Variants in FAM174B observed in about 807,000 individuals in gnomAD.
FAM174B encodes the protein family with sequence similarity 174 member B.
FAM174B carries 12 observed loss-of-function variants against 10.9 expected under a neutral mutation model. The observed-to-expected ratio is 1.10, with a 90% CI of 0.71 to 1.79. The LOEUF (loss-of-function observed/expected upper bound fraction) is 1.79. FAM174B is among the 40% of genes most tolerant of loss of function. FAM174B has a pLI of 0.00. For missense variants in FAM174B, 266 were observed against 233.3 expected (o/e 1.14, Z -0.91); for synonymous variants, 132 against 115.8 (o/e 1.14, Z -0.90).
chr15:92,627,574 T>C (rs28620510), intron 2 of FAM174B, among the ~76,000 whole-genome samples: 23,299 of 152,204 alleles, frequency 0.15, 2,586 homozygotes, highest in African/African-American at 0.31. Flanking sequence ...CTGAGCAGAT[T>C]GATTGTCATA....
At chr15:92,646,357 G>A (rs1339467504) in intron 1 of FAM174B, among the ~76,000 whole-genome samples, 1 of 152,122 alleles carries the variant, frequency 6.6e-6, no homozygotes, top group Non-Finnish European at 1.5e-5. Context: ...AGGGTGAGGC[G>A]GACTCCTCCC....
chr15:92,623,915 G>A (rs1596294034), intron 2 of FAM174B, among the ~76,000 whole-genome samples: 1 of 152,310 alleles, frequency 6.6e-6, no homozygotes, highest in East Asian at 1.9e-4. Context: ...TACTTAGGAT[G>A]ATTTGTGTTG....
chr15:92,617,573 C>T lies in FAM174B; in HGVS notation c.*1883G>A, dbSNP rs1426978784. The T allele has an allele frequency of 1.1e-5, 6 of 559,020 alleles. No homozygotes were observed. Among genetic ancestry groups the T allele is most frequent in the South Asian group, 4.5e-5 (2 of 44,826 alleles). 34.6% of individuals were successfully genotyped at this position (559,020 alleles called of 1,614,324 possible). ...TGGCAAGCACCTGGCAGATGGAGCC[C>T]GGGTGTTTCTGCGTAAGGCAGAGGA... On this transcript the variant is annotated 3_prime_UTR_variant, in exon 3 of 3. Transcript: ENST00000327355.
At chr15:92,624,705 A>G (rs2050741685) in intron 2 of FAM174B, among the ~76,000 whole-genome samples, 1 of 152,246 alleles carries the variant, frequency 6.6e-6, no homozygotes, top group Non-Finnish European at 1.5e-5. Flanking sequence ...AGGGATTTCT[A>G]GAATGAACGT....
At chr15:92,642,874 C>G (rs560007121) in intron 1 of FAM174B, among the ~76,000 whole-genome samples, 1 of 152,218 alleles carries the variant, frequency 6.6e-6, no homozygotes, top group South Asian at 2.1e-4. Context: ...TGACACATGC[C>G]ACACATAGAT....
chr15:92,648,325 C>G (rs990964050), intron 1 of FAM174B, among the ~76,000 whole-genome samples: 2 of 152,188 alleles, frequency 1.3e-5, no homozygotes, highest in African/African-American at 2.4e-5. Context: ...AGGGCATTAT[C>G]CTATGCCTTA....
At chr15:92,629,766 G>A (rs538645906) in intron 2 of FAM174B, among the ~76,000 whole-genome samples, 6 of 152,214 alleles carry the variant, frequency 3.9e-5, no homozygotes, top group South Asian at 4.2e-4. Context: ...CAATTCCCAC[G>A]TGTTGTGGGA....
chr15:92,650,461 A>G (rs2050958794), intron 1 of FAM174B, among the ~76,000 whole-genome samples: 1 of 152,226 alleles, frequency 6.6e-6, no homozygotes, highest in Admixed American at 6.5e-5. Context: ...CATGCAGCCA[A>G]CAGACATCTA....
At chr15:92,623,929 A>G (rs927718182) in intron 2 of FAM174B, among the ~76,000 whole-genome samples, 6 of 152,070 alleles carry the variant, frequency 3.9e-5, no homozygotes, top group African/African-American at 1.4e-4. Flanking sequence ...TGTGTTGTTC[A>G]TCTTTCCTTC....
At chr15:92,643,735 T>C (rs777032357) in intron 1 of FAM174B, among the ~76,000 whole-genome samples, 4 of 152,086 alleles carry the variant, frequency 2.6e-5, no homozygotes, top group Non-Finnish European at 5.9e-5. Context: ...ACTCAGTGAC[T>C]CAAACCTTTC....
rs370412006 is a variant in FAM174B, at chr15:92,622,526, T to C, written c.477-3067A>G. ...TCTCCAGAGGAGGCTGGCTGTAAAG[T>C]CCTGGCTCTCTCAATGTCATCTAGC... On this transcript the variant is annotated intron_variant, in intron 2 of 2. Coordinates refer to ENST00000327355, the MANE Select transcript of FAM174B (RefSeq NM_207446.3). Among the ~76,000 whole-genome samples the C allele has an allele frequency of 3.3e-4, 50 of 152,304 alleles. No homozygotes were observed. In the East Asian group the frequency reaches 6.6e-3, roughly 20 times the overall value.
chr15:92,635,693 T>A (rs567732496), intron 1 of FAM174B, among the ~76,000 whole-genome samples: 1 of 150,942 alleles, frequency 6.6e-6, no homozygotes, highest in Non-Finnish European at 1.5e-5. Flanking sequence ...CAATTCTCCC[T>A]GCTCAGCCTC....
intron 1 of FAM174B, among the ~76,000 whole-genome samples, chr15:92,652,203 CAGA>C (rs1175163463): frequency 6.6e-6 from 1 of 152,200 alleles, no homozygotes; most frequent in African/African-American, 2.4e-5. Flanking sequence ...TAGTCCTGCT[CAGA>C]AGAAGTTCGG....
rs1369891987 is a variant in FAM174B, at chr15:92,619,274, G to A, written c.*182C>T. On this transcript the variant is annotated 3_prime_UTR_variant, in exon 3 of 3. Coordinates refer to ENST00000327355, the MANE Select transcript of FAM174B (RefSeq NM_207446.3). The stretch of plus-strand genomic sequence containing the variant: ...AACTCCATTGTGGTGACGTGGAAAC[G>A]AGCTTGCCAGTGACAGTCTGAGCAG... 13 of 741,468 alleles carry A rather than the reference G, an allele frequency of 1.8e-5. No individual in the cohort carries two copies. The highest frequency in any genetic ancestry group is 1.1e-4 in the East Asian group (4 of 37,410). The allele number at this position is 741,468 out of a possible 1,614,324, so 45.9% of individuals were successfully genotyped here.
At chr15:92,655,161 C>T in intron 1 of FAM174B, 155 bp downstream of exon 1, 1 of 1,102,838 alleles carries the variant, frequency 9.1e-7, no homozygotes, top group Non-Finnish European at 1.2e-6. Flanking sequence ...CACCCCGGCC[C>T]CCCACCCACT....
intron 2 of FAM174B, among the ~76,000 whole-genome samples, chr15:92,628,279 C>T (rs1328405053): frequency 4.0e-5 from 6 of 151,504 alleles, no homozygotes; most frequent in Non-Finnish European, 1.5e-5. Context: ...ATCCTCCCAC[C>T]TCAGCCTCCC....
intron 1 of FAM174B, among the ~76,000 whole-genome samples, chr15:92,645,910 AG>A (rs1469136385): frequency 6.6e-6 from 1 of 152,082 alleles, no homozygotes; most frequent in African/African-American, 2.4e-5. Context: ...CCCTCCACCC[AG>A]CCCCAAGGCC....
At position 92,619,774 on chromosome 15, in the gene FAM174B, T is replaced by A. The variant is rs201162816; in HGVS notation, c.477-315A>T. The A allele has an allele frequency of 3.4e-5, 15 of 436,794 alleles. No individual in the cohort carries two copies. The East Asian group carries it at 4.0e-4, about 12-fold the overall frequency. 27.1% of individuals were successfully genotyped at this position (436,794 alleles called of 1,614,324 possible). A position where few individuals can be genotyped will look rare whatever the true frequency, so the allele number is the denominator to read the frequency against. On this transcript the variant is annotated intron_variant, in intron 2 of 2. Transcript: ENST00000327355. Reference sequence around the variant, plus strand: ...TGTTTACACTAGGGGTTGGAAAACTTCTTCTGTGACAGTCCAGAGAGGAAA... The same window carrying A: ...TGTTTACACTAGGGGTTGGAAAACTACTTCTGTGACAGTCCAGAGAGGAAA...
chr15:92,648,217 G>A (rs2050941348), intron 1 of FAM174B, among the ~76,000 whole-genome samples: 1 of 152,090 alleles, frequency 6.6e-6, no homozygotes, highest in African/African-American at 2.4e-5. Context: ...ACGTTCTCAG[G>A]ACCTCTTGAT....
Sources: gnomAD v4.1 joint callset for allele counts (sites outside exome capture counted in the v4.1 genomes callset) on GRCh38, gnomAD v4.1.1 for gene constraint, MANE v1.5 for transcripts, NCBI Gene and HGNC (gene_info 2026-07-23, HGNC 2026-07-21) for gene names.